DDX10: variants seen among roughly 807,000 people sequenced by gnomAD.
DDX10 encodes DEAD-box helicase 10.
A neutral mutation model predicts 104.3 loss-of-function variants in DDX10; 74 were observed. The ratio of observed to expected loss-of-function variants is 0.71; its 90% CI spans 0.59 to 0.86. The LOEUF is 0.86. DDX10 is among the 40% of genes least tolerant of loss of function. The probability of loss-of-function intolerance (pLI) is 0.00; values close to 1 mark genes in which losing one functional copy is unlikely to be tolerated. For missense variants in DDX10, 952 were observed against 1,040.0 expected (o/e 0.92, Z 1.16); for synonymous variants, 351 against 353.4 (o/e 0.99, Z 0.08).
chr11:108,882,460 G>C (rs994931211), intron 16 of DDX10, among the ~76,000 whole-genome samples: 1 of 152,152 alleles, frequency 6.6e-6, no homozygotes, highest in African/African-American at 2.4e-5. Context: ...TGAATGTTGG[G>C]CTGAAATGAG....
At chr11:108,680,534 T>C (rs1252225314) in intron 6 of DDX10, among the ~76,000 whole-genome samples, 1 of 152,234 alleles carries the variant, frequency 6.6e-6, no homozygotes, top group African/African-American at 2.4e-5. Context: ...ATGTTTTAAG[T>C]TGTATTTTCA....
chr11:108,852,897 T>C (rs1862814734), intron 16 of DDX10, among the ~76,000 whole-genome samples: 1 of 152,208 alleles, frequency 6.6e-6, no homozygotes, highest in Non-Finnish European at 1.5e-5. Flanking sequence ...CTGTATCTCA[T>C]TGTGCTGTTT....
intron 16 of DDX10, among the ~76,000 whole-genome samples, chr11:108,913,537 A>C (rs1257503506): frequency 6.6e-6 from 1 of 152,138 alleles, no homozygotes; most frequent in Non-Finnish European, 1.5e-5. Context: ...CCTTGTGGGC[A>C]AATTGCGAGG....
rs79563671 is a variant in DDX10, at chr11:108,774,415, G to T, written c.1965+50953G>T. On this transcript the variant is annotated intron_variant, in intron 13 of 17. Coordinates refer to ENST00000322536, the MANE Select transcript of DDX10 (RefSeq NM_004398.4). ...TATCTTTTTGTCCTTGGAGGCTTAT[G>T]CTTAAATTATTTCTTGCATGTTTTA... 1.4e-4 allele frequency among the ~76,000 whole-genome samples: 21 copies of T among 152,282 alleles called. No individual in the cohort carries two copies. In the East Asian group the frequency reaches 4.1e-3, roughly 29 times the overall value.
chr11:108,772,837 C>T (rs1279536177), intron 13 of DDX10, among the ~76,000 whole-genome samples: 2 of 152,172 alleles, frequency 1.3e-5, no homozygotes, highest in East Asian at 3.9e-4. Context: ...TCTGACCATC[C>T]CCTGTCAGTG....
chr11:108,711,505 G>T (rs1431560176), intron 10 of DDX10, among the ~76,000 whole-genome samples: 2 of 152,052 alleles, frequency 1.3e-5, no homozygotes, highest in East Asian at 3.9e-4. Context: ...GCTAATTTTT[G>T]TATTTTTAGT....
At chr11:108,931,646 A>G (rs958929778) in intron 17 of DDX10, among the ~76,000 whole-genome samples, 2 of 152,232 alleles carry the variant, frequency 1.3e-5, no homozygotes, top group African/African-American at 4.8e-5. Context: ...TGGTCACAGT[A>G]TCTTCCAAAT....
At chr11:108,814,527 C>T (rs1467247002) in intron 13 of DDX10, among the ~76,000 whole-genome samples, 1 of 152,004 alleles carries the variant, frequency 6.6e-6, no homozygotes, top group Admixed American at 6.6e-5. Context: ...TTTTATGCAT[C>T]ATAGATTACC....
chr11:108,808,854 A>T (rs1239675057), intron 13 of DDX10, among the ~76,000 whole-genome samples: 3 of 152,194 alleles, frequency 2.0e-5, no homozygotes, highest in African/African-American at 7.2e-5. Flanking sequence ...GGCAAGGGAA[A>T]GCATGTATGC....
At chr11:108,787,618 T>G (rs1044457697) in intron 13 of DDX10, among the ~76,000 whole-genome samples, 1 of 152,094 alleles carries the variant, frequency 6.6e-6, no homozygotes, top group Non-Finnish European at 1.5e-5. Flanking sequence ...CTCAGCATGC[T>G]CTATTCTGCT....
intron 10 of DDX10, among the ~76,000 whole-genome samples, chr11:108,710,686 G>GT (rs1315084395): frequency 2.0e-5 from 3 of 152,150 alleles, no homozygotes; most frequent in East Asian, 3.8e-4. Context: ...GAATAAATCA[G>GT]TAATAGTTGT....
chr11:108,715,525 T>TA (rs570445070), intron 10 of DDX10, among the ~76,000 whole-genome samples: 1 of 152,166 alleles, frequency 6.6e-6, no homozygotes, highest in Non-Finnish European at 1.5e-5. Context: ...TGAGACCTCT[T>TA]AAAAAAATTA....
intron 2 of DDX10, 99 bp downstream of exon 2, chr11:108,673,626 G>C: frequency 1.2e-6 from 1 of 838,496 alleles, no homozygotes; most frequent in Non-Finnish European, 1.9e-6. Context: ...ATCTTATTTT[G>C]GCAAATTTTG....
chr11:108,899,291 T>C (rs758010686), intron 16 of DDX10, among the ~76,000 whole-genome samples: 1 of 152,076 alleles, frequency 6.6e-6, no homozygotes, highest in Non-Finnish European at 1.5e-5. Context: ...CCAAGTGGCA[T>C]TTCTTAACAT....
intron 13 of DDX10, among the ~76,000 whole-genome samples, chr11:108,832,890 C>T (rs1161282856): frequency 6.6e-6 from 1 of 152,082 alleles, no homozygotes; most frequent in African/African-American, 2.4e-5. Context: ...CATGTTTTTC[C>T]TGTGTACTTG....
intron 16 of DDX10, among the ~76,000 whole-genome samples, chr11:108,888,917 T>C (rs957626789): frequency 2.6e-5 from 4 of 152,202 alleles, no homozygotes; most frequent in Non-Finnish European, 5.9e-5. Flanking sequence ...GCTAGAAGAC[T>C]TGATTCTAGT....
chr11:108,790,968 C>A (rs186992305), intron 13 of DDX10, among the ~76,000 whole-genome samples: 1 of 152,118 alleles, frequency 6.6e-6, no homozygotes, highest in South Asian at 2.1e-4. Flanking sequence ...ACTAAGATAG[C>A]GAGAAAAATA....
intron 9 of DDX10, among the ~76,000 whole-genome samples, chr11:108,698,050 T>C (rs1380610458): frequency 2.0e-5 from 3 of 152,194 alleles, no homozygotes; most frequent in Non-Finnish European, 2.9e-5. Context: ...CAGAATGTGA[T>C]TCCACTAGGG....
intron 13 of DDX10, among the ~76,000 whole-genome samples, chr11:108,746,108 A>G (rs1320877542): frequency 1.3e-5 from 2 of 152,030 alleles, no homozygotes; most frequent in Non-Finnish European, 2.9e-5. Flanking sequence ...CCACTAATCT[A>G]TTTTCTGTCT....
Sources: gnomAD v4.1 joint callset for allele counts (sites outside exome capture counted in the v4.1 genomes callset) on GRCh38, gnomAD v4.1.1 for gene constraint, MANE v1.5 for transcripts, NCBI Gene and HGNC (gene_info 2026-07-23, HGNC 2026-07-21) for gene names.